ADGRL3: variants seen among roughly 807,000 people sequenced by gnomAD.
ADGRL3 encodes calcium-independent alpha-latrotoxin receptor 3.
ADGRL3 carries 62 observed loss-of-function variants against 153.5 expected under a neutral mutation model. The observed-to-expected ratio is 0.40, with a 90% CI of 0.33 to 0.50. ADGRL3 has a LOEUF of 0.50. Ranked by LOEUF, ADGRL3 falls within the 20% of genes least tolerant of loss-of-function variation. The pLI is 0.47. For synonymous variants in ADGRL3, 710 were observed against 672.5 expected (o/e 1.06, Z -0.86); for missense variants, 1,641 against 1,859.4 (o/e 0.88, Z 2.16).
intron 1 of ADGRL3, among the ~76,000 whole-genome samples, chr4:61,353,686 C>T (rs1206734182): frequency 1.4e-4 from 21 of 148,924 alleles, no homozygotes; most frequent in African/African-American, 4.0e-4. Context: ...AGTGATCCTC[C>T]TGCCTTGACC....
In ADGRL3 at chr4:61,485,233, CACTA is replaced by C. The variant is rs371999930; in HGVS notation, c.-173-11883_-173-11880del. On this transcript the variant is annotated intron_variant, in intron 2 of 26. Transcript: ENST00000683033. Reference sequence around the variant, plus strand: ...CTCTCTTGCCCGGTTGCTACTGATACACTAACTACTGAGAATGAAATATGGGAAA... The same window carrying C: ...CTCTCTTGCCCGGTTGCTACTGATACACTACTGAGAATGAAATATGGGAAA... Among the ~76,000 whole-genome samples, 593 of 152,292 alleles carry C rather than the reference CACTA, an allele frequency of 3.9e-3. 3 individuals are homozygous for C. Among genetic ancestry groups the C allele is most frequent in the South Asian group, 7.0e-3 (34 of 4,828 alleles).
intron 6 of ADGRL3, among the ~76,000 whole-genome samples, chr4:61,711,472 A>G: frequency 1.1e-5 from 1 of 92,546 alleles, no homozygotes; most frequent in East Asian, 5.0e-4. Flanking sequence ...ATATATATAT[A>G]TATATATATA....
chr4:61,924,411 C>G (rs145312221), intron 13 of ADGRL3, among the ~76,000 whole-genome samples: 3 of 152,298 alleles, frequency 2.0e-5, no homozygotes, highest in African/African-American at 7.2e-5. Flanking sequence ...ACCTATATGT[C>G]TATGACCTAC....
chr4:61,977,428 A>G (rs1160492895), intron 17 of ADGRL3, among the ~76,000 whole-genome samples: 1 of 152,124 alleles, frequency 6.6e-6, no homozygotes, highest in Non-Finnish European at 1.5e-5. Context: ...TCAAACACTA[A>G]AAGTAATTTA....
chr4:61,765,621 A>G lies in ADGRL3; in HGVS notation c.1399+32067A>G, dbSNP rs369004299. ...GACTGTATTGAGGTGGGAAGGCTAA[A>G]CTGAGGAATTATGTCTGACAGAAGG... On this transcript the variant is annotated intron_variant, in intron 8 of 26. Coordinates refer to ENST00000683033, the MANE Select transcript of ADGRL3 (RefSeq NM_001387552.1). Among the ~76,000 whole-genome samples, 15 of 152,216 alleles carry G rather than the reference A, an allele frequency of 9.9e-5. No individual in the cohort carries two copies. The East Asian group carries it at 2.9e-3, about 29-fold the overall frequency.
intron 17 of ADGRL3, among the ~76,000 whole-genome samples, chr4:61,970,314 T>C (rs532428343): frequency 6.6e-6 from 1 of 152,302 alleles, no homozygotes; most frequent in South Asian, 2.1e-4. Context: ...TCTATCTGCC[T>C]AGCTTCATTT....
intron 1 of ADGRL3, among the ~76,000 whole-genome samples, chr4:61,236,609 G>A (rs1752960974): frequency 6.6e-6 from 1 of 151,948 alleles, no homozygotes; most frequent in Admixed American, 6.6e-5. Context: ...TTTTTTATGA[G>A]TATGGATCAA....
chr4:61,869,935 T>TTAAAAAAAAAAAAAAAAAAA, intron 9 of ADGRL3, among the ~76,000 whole-genome samples: 1 of 8,276 alleles, frequency 1.2e-4, no homozygotes. Flanking sequence ...CAAAACTTTG[T>TTAAAAAAAAAAAAAAAAAAA]TAAAAAAAAA....
At chr4:61,774,059 A>C (rs2097116668) in intron 8 of ADGRL3, among the ~76,000 whole-genome samples, 1 of 152,134 alleles carries the variant, frequency 6.6e-6, no homozygotes, top group Admixed American at 6.6e-5. Context: ...ATCAGATCAA[A>C]AATATTCAGG....
intron 3 of ADGRL3, 72 bp from the exon 4 acceptor site, chr4:61,517,243 C>T (rs2152900887): frequency 1.5e-6 from 1 of 681,434 alleles, no homozygotes. Flanking sequence ...TGGGAATAGC[C>T]TCTACCAGGG....
rs2098652972 is a variant in ADGRL3 at position 61,899,659 on chromosome 4, C to G, written c.1887+3825C>G. ...GGACTGCTATGGTTTATGGTTAAAACAAACAAACAAACAAACCAACCATAG... is the reference window on the plus strand; with the variant it reads ...GGACTGCTATGGTTTATGGTTAAAAGAAACAAACAAACAAACCAACCATAG... On this transcript the variant is annotated intron_variant, in intron 11 of 26. Coordinates refer to ENST00000683033, the MANE Select transcript of ADGRL3 (RefSeq NM_001387552.1). Among the ~76,000 whole-genome samples the G allele has an allele frequency of 3.3e-5, 5 of 152,092 alleles. No individual in the cohort carries two copies. In the South Asian group the frequency reaches 8.3e-4, roughly 25 times the overall value.
At chr4:61,989,480 C>T (rs1181704759) in intron 19 of ADGRL3, among the ~76,000 whole-genome samples, 1 of 151,958 alleles carries the variant, frequency 6.6e-6, no homozygotes, top group Non-Finnish European at 1.5e-5. Context: ...AATATGTCTA[C>T]AGGGAGTACA....
At chr4:61,339,849 G>T (rs1462780917) in intron 1 of ADGRL3, among the ~76,000 whole-genome samples, 3 of 152,138 alleles carry the variant, frequency 2.0e-5, no homozygotes, top group South Asian at 2.1e-4. Flanking sequence ...CTTTGGGTTT[G>T]TGAAGCCCAG....
intron 1 of ADGRL3, among the ~76,000 whole-genome samples, chr4:61,320,690 C>A (rs1305127118): frequency 6.6e-6 from 1 of 152,178 alleles, no homozygotes; most frequent in African/African-American, 2.4e-5. Context: ...AATACCTTTA[C>A]AGCAACATCT....
chr4:61,748,739 C>A (rs2096709113), intron 8 of ADGRL3, among the ~76,000 whole-genome samples: 2 of 152,072 alleles, frequency 1.3e-5, no homozygotes, highest in South Asian at 4.1e-4. Flanking sequence ...AAATGTTAGA[C>A]CTAAAATCAT....
intron 4 of ADGRL3, among the ~76,000 whole-genome samples, chr4:61,552,495 G>A (rs892407538): frequency 1.3e-4 from 19 of 151,660 alleles, no homozygotes; most frequent in African/African-American, 4.4e-4. Context: ...ACAGGATTTC[G>A]CTCTGTCACT....
intron 21 of ADGRL3, among the ~76,000 whole-genome samples, chr4:62,025,439 C>G (rs560858992): frequency 1.4e-4 from 21 of 152,170 alleles, no homozygotes; most frequent in South Asian, 4.2e-4. Flanking sequence ...TGTTTGTCCC[C>G]TTGCATTTAT....
chr4:62,057,347 G>T (rs554726129), intron 25 of ADGRL3, among the ~76,000 whole-genome samples: 2 of 152,154 alleles, frequency 1.3e-5, no homozygotes, highest in Admixed American at 6.5e-5. Context: ...TCACAGTTTT[G>T]TGTTAAAACT....
At chr4:61,562,968 G>A (rs1038130496) in intron 4 of ADGRL3, among the ~76,000 whole-genome samples, 2 of 145,882 alleles carry the variant, frequency 1.4e-5, no homozygotes, top group East Asian at 2.0e-4. Context: ...AAAAAAAGGT[G>A]ATTCATTAAA....
Sources: gnomAD v4.1 joint callset for allele counts (sites outside exome capture counted in the v4.1 genomes callset) on GRCh38, gnomAD v4.1.1 for gene constraint, MANE v1.5 for transcripts, NCBI Gene and HGNC (gene_info 2026-07-23, HGNC 2026-07-21) for gene names.